The following EZH2 variants were observed in gnomAD, a reference collection of about 807,000 sequenced individuals.
The protein encoded by EZH2 is histone-lysine N-methyltransferase EZH2.
EZH2 carries 18 observed loss-of-function variants against 98.4 expected under a neutral mutation model. The observed-to-expected ratio is 0.18, with a 90% CI of 0.13 to 0.27. The LOEUF (loss-of-function observed/expected upper bound fraction) is 0.27. EZH2 is among the 10% of genes least tolerant of loss of function. The probability of loss-of-function intolerance (pLI) is 1.00; values close to 1 mark genes in which losing one functional copy is unlikely to be tolerated. For missense variants in EZH2, 470 were observed against 935.1 expected, an observed-to-expected ratio of 0.50 and a Z score of 6.49; for synonymous variants, 338 against 312.3, an observed-to-expected ratio of 1.08 and a Z score of -0.87.
At chr7:148,808,191 C>CCATGGGGGG (rs1802023663) in intron 19 of EZH2, among the ~76,000 whole-genome samples, 2 of 152,196 alleles carry the variant, frequency 1.3e-5, no homozygotes, top group Admixed American at 1.3e-4. Flanking sequence ...AAGAAGCCCA[C>CCATGGGGGG]CATGGGGGGT....
chr7:148,871,120 G>A (rs1819306404), intron 1 of EZH2, among the ~76,000 whole-genome samples: 1 of 151,990 alleles, frequency 6.6e-6, no homozygotes, highest in Non-Finnish European at 1.5e-5. Flanking sequence ...CATTGTTAAT[G>A]CAAATCAAAA....
At chr7:148,855,897 CAAAAAAA>C (rs34692092) in intron 1 of EZH2, among the ~76,000 whole-genome samples, 12 of 41,004 alleles carry the variant, frequency 2.9e-4, no homozygotes, top group African/African-American at 7.7e-4. Context: ...GACTCCATCT[CAAAAAAA>C]AAAAAAAAAA....
chr7:148,807,752 A>G, intron 19 of EZH2, 46 bp from the exon 20 acceptor site: 4 of 1,344,744 alleles, frequency 3.0e-6, no homozygotes, highest in Non-Finnish European at 4.0e-6. Context: ...CACCCATCCA[A>G]CATGTGCTGA....
intron 1 of EZH2, among the ~76,000 whole-genome samples, chr7:148,854,812 G>C (rs918203016): frequency 6.6e-6 from 1 of 152,128 alleles, no homozygotes; most frequent in Non-Finnish European, 1.5e-5. Context: ...GTATCATTTG[G>C]CAATTTCATT....
intron 1 of EZH2, among the ~76,000 whole-genome samples, chr7:148,857,699 AGAGATCGCACCTCTGCATT>A (rs1817038117): frequency 6.6e-6 from 1 of 151,924 alleles, no homozygotes. Flanking sequence ...TGCAGTGAGC[AGAGATCGCACCTCTGCATT>A]CCAGCCTGGG....
chr7:148,859,702 G>A lies in EZH2; in HGVS notation c.-7-12397C>T, dbSNP rs547134440. On this transcript the variant is annotated intron_variant, in intron 1 of 19. Coordinates refer to ENST00000320356, the MANE Select transcript of EZH2 (RefSeq NM_004456.5). ...GGACACAGAGATCCCACCAACCAACGGCAGTTCACCAACAGCAAACCCAGG... is the reference window on the plus strand; with the variant it reads ...GGACACAGAGATCCCACCAACCAACAGCAGTTCACCAACAGCAAACCCAGG... Among the ~76,000 whole-genome samples, 9 of 152,242 alleles carry A rather than the reference G, an allele frequency of 5.9e-5. No homozygotes were observed. The South Asian group carries it at 1.0e-3, about 18-fold the overall frequency.
chr7:148,884,222 G>C lies in EZH2; in HGVS notation c.-66C>G. 1 of 173,950 alleles carries C rather than the reference G, an allele frequency of 5.7e-6. No individual in the cohort carries two copies. Among genetic ancestry groups the C allele is most frequent in the Admixed American group, 6.4e-5 (1 of 15,670 alleles). 10.8% of individuals were successfully genotyped at this position (173,950 alleles called of 1,614,324 possible). On this transcript the variant is annotated 5_prime_UTR_variant, in exon 1 of 20. Transcript: ENST00000320356. Reference sequence around the variant, plus strand: ...CGCGTCGCCCCCGCGCGCCGCCGCCGCCGCCGCCGGGGCTCCACTGCCTTC... The same window carrying C: ...CGCGTCGCCCCCGCGCGCCGCCGCCCCCGCCGCCGGGGCTCCACTGCCTTC...
At chr7:148,878,477 C>A (rs1159520164) in intron 1 of EZH2, among the ~76,000 whole-genome samples, 3 of 152,180 alleles carry the variant, frequency 2.0e-5, no homozygotes, top group Non-Finnish European at 2.9e-5. Context: ...ATTTTGAAAT[C>A]TTTTTACTTT....
intron 3 of EZH2, among the ~76,000 whole-genome samples, chr7:148,842,684 C>T (rs1812764683): frequency 6.6e-6 from 1 of 152,034 alleles, no homozygotes; most frequent in African/African-American, 2.4e-5. Flanking sequence ...AAAGTAAACA[C>T]ATTCTGTATT....
chr7:148,816,500 G>A (rs1291450355), intron 12 of EZH2, among the ~76,000 whole-genome samples, 184 bp downstream of exon 12: 1 of 152,226 alleles, frequency 6.6e-6, no homozygotes, highest in African/African-American at 2.4e-5. Flanking sequence ...GAAGGCTGCT[G>A]TATTCTTATA....
At chr7:148,820,642 G>T (rs572558592) in intron 8 of EZH2, among the ~76,000 whole-genome samples, 1 of 151,910 alleles carries the variant, frequency 6.6e-6, no homozygotes, top group Non-Finnish European at 1.5e-5. Flanking sequence ...TTAGGCTCCA[G>T]ACAGCCTAAC....
intron 1 of EZH2, among the ~76,000 whole-genome samples, chr7:148,873,276 G>A (rs1241536830): frequency 6.6e-6 from 1 of 152,060 alleles, no homozygotes; most frequent in Non-Finnish European, 1.5e-5. Flanking sequence ...CAGATCACCT[G>A]AGGTCAGGAG....
chr7:148,861,865 T>C (rs1182230972), intron 1 of EZH2, among the ~76,000 whole-genome samples: 2 of 151,936 alleles, frequency 1.3e-5, no homozygotes, highest in Non-Finnish European at 2.9e-5. Flanking sequence ...ATTTCTTTAA[T>C]ATCTGTCTAA....
chr7:148,820,616 G>C (rs1057157947), intron 8 of EZH2, among the ~76,000 whole-genome samples: 3 of 151,386 alleles, frequency 2.0e-5, no homozygotes, highest in Non-Finnish European at 1.5e-5. Context: ...AGATTCTGTT[G>C]GAAGCGTGTG....
intron 4 of EZH2, among the ~76,000 whole-genome samples, chr7:148,830,240 C>T (rs960487394): frequency 2.6e-5 from 4 of 152,136 alleles, no homozygotes; most frequent in Non-Finnish European, 5.9e-5. Flanking sequence ...AGGCTGGTCT[C>T]GAACTCCTGA....
At chr7:148,837,093 C>G (rs941858986) in intron 3 of EZH2, 1 of 424,106 alleles carries the variant, frequency 2.4e-6, no homozygotes, top group Non-Finnish European at 4.7e-6. Context: ...AATTTCACAA[C>G]TACCCTGTGA....
intron 1 of EZH2, among the ~76,000 whole-genome samples, chr7:148,850,787 G>A (rs915870012): frequency 6.6e-6 from 1 of 152,082 alleles, no homozygotes; most frequent in African/African-American, 2.4e-5. Context: ...GATGCCTAAA[G>A]CTGCAGATAG....
chr7:148,819,130 T>C, intron 9 of EZH2: 1 of 453,844 alleles, frequency 2.2e-6, no homozygotes, highest in East Asian at 7.0e-5. Flanking sequence ...CCTCATATTT[T>C]CCTAACCCCT....
chr7:148,813,052 T>TACAC (rs142835355), intron 15 of EZH2, among the ~76,000 whole-genome samples: 256 of 132,178 alleles, frequency 1.9e-3, no homozygotes, highest in East Asian at 3.5e-3. Context: ...ACACCCCACA[T>TACAC]ACACACACAC....
Sources: gnomAD v4.1 joint callset for allele counts (sites outside exome capture counted in the v4.1 genomes callset) on GRCh38, gnomAD v4.1.1 for gene constraint, MANE v1.5 for transcripts, NCBI Gene and HGNC (gene_info 2026-07-23, HGNC 2026-07-21) for gene names.